The following KCNMA1 variants were observed in gnomAD, a reference collection of about 807,000 sequenced individuals.
The protein encoded by KCNMA1 is Calcium-activated potassium channel subunit alpha-1.
A neutral mutation model predicts 140.0 loss-of-function variants in KCNMA1; 29 were observed. The observed-to-expected ratio is 0.21, with a 90% CI of 0.15 to 0.28. The LOEUF (loss-of-function observed/expected upper bound fraction) is 0.28, where lower values mean the gene tolerates loss of function less well. KCNMA1 is among the 10% of genes least tolerant of loss of function. KCNMA1 has a pLI of 1.00. For synonymous variants in KCNMA1, 612 were observed against 611.9 expected, an observed-to-expected ratio of 1.00 and a Z score of 0.00; for missense variants, 880 against 1,602.2, an observed-to-expected ratio of 0.55 and a Z score of 7.70.
chr10:77,608,389 G>C (rs2085348665), intron 1 of KCNMA1, among the ~76,000 whole-genome samples: 1 of 152,050 alleles, frequency 6.6e-6, no homozygotes, highest in Non-Finnish European at 1.5e-5. Flanking sequence ...GCCCAGGCTG[G>C]TCTCAAACTC....
chr10:76,978,896 T>A (rs1206163958), intron 19 of KCNMA1, among the ~76,000 whole-genome samples: 1 of 152,248 alleles, frequency 6.6e-6, no homozygotes, highest in East Asian at 1.9e-4. Flanking sequence ...TCACTTAAAA[T>A]TATGACATTC....
chr10:77,514,514 T>C (rs1353565330), intron 1 of KCNMA1, among the ~76,000 whole-genome samples: 5 of 152,266 alleles, frequency 3.3e-5, no homozygotes, highest in Middle Eastern at 3.4e-3. Flanking sequence ...AGGAGGCAGA[T>C]TCCCAACGCA....
At chr10:77,103,777 C>T (rs1278252159) in intron 9 of KCNMA1, among the ~76,000 whole-genome samples, 1 of 152,212 alleles carries the variant, frequency 6.6e-6, no homozygotes, top group African/African-American at 2.4e-5. Flanking sequence ...TTTGTCCCCT[C>T]TCCATCTTTT....
chr10:77,183,108 A>G (rs1312789411), intron 5 of KCNMA1, among the ~76,000 whole-genome samples: 1 of 152,148 alleles, frequency 6.6e-6, no homozygotes, highest in Non-Finnish European at 1.5e-5. Context: ...TTCTTAATCC[A>G]GTCCTGACTC....
Position 77,442,557 on chromosome 10 carries a change from C to T in KCNMA1, c.379-38534G>A, listed in dbSNP as rs561260299. On this transcript the variant is annotated intron_variant, in intron 1 of 27. Coordinates refer to ENST00000286628, the MANE Select transcript of KCNMA1 (RefSeq NM_001161352.2). ...GAGGTTTCATTGCTCAGTGCCTCAG[C>T]TTCCCCACCTGTACAATGGGCACAA... Among the ~76,000 whole-genome samples, 12 of 152,276 alleles carry T rather than the reference C, an allele frequency of 7.9e-5. 1 individual carries two copies. The highest frequency in any genetic ancestry group is 2.9e-4 in the African/African-American group (12 of 41,542).
intron 23 of KCNMA1, among the ~76,000 whole-genome samples, chr10:76,920,409 T>C (rs376852417): frequency 6.6e-6 from 1 of 152,064 alleles, no homozygotes; most frequent in Non-Finnish European, 1.5e-5. Context: ...AGGAGGAAAC[T>C]GAAGCACAGA....
At chr10:77,465,246 G>A (rs1001806123) in intron 1 of KCNMA1, among the ~76,000 whole-genome samples, 2 of 152,184 alleles carry the variant, frequency 1.3e-5, no homozygotes, top group African/African-American at 4.8e-5. Context: ...CTTTGGGAAG[G>A]ACACTTAAGG....
At chr10:77,404,662 T>G (rs1230400607) in intron 1 of KCNMA1, among the ~76,000 whole-genome samples, 1 of 152,170 alleles carries the variant, frequency 6.6e-6, no homozygotes, top group Non-Finnish European at 1.5e-5. Flanking sequence ...CCTGTGGTCT[T>G]TGCCTACCCA....
chr10:77,509,018 G>A (rs2047313795), intron 1 of KCNMA1, among the ~76,000 whole-genome samples: 2 of 152,192 alleles, frequency 1.3e-5, no homozygotes, highest in Non-Finnish European at 2.9e-5. Context: ...AATAATCACT[G>A]TATGTCTATG....
At chr10:77,361,651 G>A (rs1236436865) in intron 2 of KCNMA1, among the ~76,000 whole-genome samples, 3 of 152,366 alleles carry the variant, frequency 2.0e-5, no homozygotes, top group Admixed American at 6.5e-5. Flanking sequence ...AGGAGCAGGC[G>A]AGTGCAGGAG....
chr10:77,239,834 TC>T (rs2154224906), intron 3 of KCNMA1, among the ~76,000 whole-genome samples: 1 of 152,334 alleles, frequency 6.6e-6, no homozygotes, highest in East Asian at 1.9e-4. Flanking sequence ...AAGAATTTCA[TC>T]AGTAAATATT....
At chr10:77,168,752 C>T (rs1291879628) in intron 5 of KCNMA1, among the ~76,000 whole-genome samples, 6 of 152,124 alleles carry the variant, frequency 3.9e-5, no homozygotes, top group Non-Finnish European at 5.9e-5. Flanking sequence ...ATGTTCAGGT[C>T]ATCAAAATTG....
chr10:77,108,630 C>T lies in KCNMA1; in HGVS notation c.1132-58G>A. The T allele has an allele frequency of 7.7e-7, 1 of 1,302,098 alleles. No homozygotes were observed. The highest frequency in any genetic ancestry group is 1.1e-6 in the Non-Finnish European group (1 of 901,590). 80.7% of individuals were successfully genotyped at this position (1,302,098 alleles called of 1,614,324 possible). A position where few individuals can be genotyped will look rare whatever the true frequency, so the allele number is the denominator to read the frequency against. ...AAGACAGGCCAAAGAAAAGGGGGGA[C>T]CTGTTCAGAGGGTGGGGGCACTAAG... On this transcript the variant is annotated intron_variant, in intron 8 of 27. Transcript: ENST00000286628. This position sits in a 1 kb window ranked among gnomAD's most constrained non-coding sequence, Gnocchi z 4.6.
chr10:76,961,874 GA>G (rs553353894), intron 20 of KCNMA1, among the ~76,000 whole-genome samples: 8 of 152,026 alleles, frequency 5.3e-5, no homozygotes, highest in Non-Finnish European at 1.2e-4. Context: ...ATATGCACTA[GA>G]AAAAAAATGT....
chr10:77,315,842 A>C (rs1162910204), intron 2 of KCNMA1: 1 of 152,116 alleles, frequency 6.6e-6, no homozygotes, highest in Non-Finnish European at 1.5e-5. Flanking sequence ...ATCAAGTAAA[A>C]GCCACTGCAT....
intron 1 of KCNMA1, among the ~76,000 whole-genome samples, chr10:77,472,317 C>T (rs888267747): frequency 3.4e-4 from 51 of 149,462 alleles, no homozygotes; most frequent in African/African-American, 1.2e-3. Context: ...ACACAGAGAG[C>T]GTACATACTA....
rs570885148 is a variant in KCNMA1 at position 77,510,395 on chromosome 10, G to A, written c.379-106372C>T. Among the ~76,000 whole-genome samples the A allele has an allele frequency of 1.9e-4, 29 of 152,132 alleles. No homozygotes were observed. The East Asian group carries it at 3.3e-3, about 17-fold the overall frequency. ...TTAATTGACTGATTGAAAGAAACCCGTCACTGTGAGGATCCCAATTCAATT... is the reference window on the plus strand; with the variant it reads ...TTAATTGACTGATTGAAAGAAACCCATCACTGTGAGGATCCCAATTCAATT... On this transcript the variant is annotated intron_variant, in intron 1 of 27. Transcript: ENST00000286628.
intron 2 of KCNMA1, among the ~76,000 whole-genome samples, chr10:77,334,181 G>T (rs949037661): frequency 6.6e-6 from 1 of 152,188 alleles, no homozygotes; most frequent in African/African-American, 2.4e-5. Flanking sequence ...AAAGTCCAAA[G>T]GGCATGGATT....
rs558133338 is a variant in KCNMA1, at chr10:76,986,800, C to T, written c.2266+14607G>A. Among the ~76,000 whole-genome samples the T allele has an allele frequency of 7.2e-5, 11 of 152,262 alleles. No individual in the cohort carries two copies. The Middle Eastern group carries it at 0.01, about 141-fold the overall frequency. On this transcript the variant is annotated intron_variant, in intron 19 of 27. Transcript: ENST00000286628. ...ATGGGTTTGCCATGGCTTCCTACCC[C>T]GACTCAAATACCCAATGACATATGG... is the stretch of plus-strand genomic sequence containing the variant.
Sources: allele counts gnomAD v4.1 joint callset (sites outside exome capture counted in the v4.1 genomes callset), GRCh38; gene constraint gnomAD v4.1.1; non-coding constraint Gnocchi (gnomAD v3.1); transcripts MANE v1.5; gene names NCBI Gene and HGNC (gene_info 2026-07-23, HGNC 2026-07-21).